OGFOD2: variants seen among roughly 807,000 people sequenced by gnomAD.
The protein encoded by OGFOD2 is 2-oxoglutarate and iron dependent oxygenase domain containing 2, also known as 2-oxoglutarate and iron-dependent oxygenase domain-containing protein 2.
Under a neutral mutation model 31.1 loss-of-function variants are expected in OGFOD2, and 34 were observed. The observed-to-expected ratio is 1.09, with a 90% CI of 0.83 to 1.45. The LOEUF is 1.45. Ranked by LOEUF, OGFOD2 falls within the 40% of genes most tolerant of loss-of-function variation. The pLI is 0.00. For synonymous variants in OGFOD2, 240 were observed against 192.3 expected, an observed-to-expected ratio of 1.25 and a Z score of -2.05; for missense variants, 537 against 433.9, an observed-to-expected ratio of 1.24 and a Z score of -2.11.
chr12:122,979,366 G>A lies in OGFOD2; in HGVS notation c.*20G>A, dbSNP rs772855464. Reference sequence around the variant, plus strand: ...ACCTGAGCTTGCTTGGGCCCAGTGTGGGGGTGGCAGGCAGGTGAGGGCTCC... The same window carrying A: ...ACCTGAGCTTGCTTGGGCCCAGTGTAGGGGTGGCAGGCAGGTGAGGGCTCC... On this transcript the variant is annotated 3_prime_UTR_variant, in exon 7 of 7. Transcript: ENST00000228922. The A allele has an allele frequency of 3.6e-5, 57 of 1,578,588 alleles. No homozygotes were observed. The Admixed American group carries it at 6.1e-4, about 17-fold the overall frequency.
At chr12:122,978,304 T>C (rs2037492872) in intron 4 of OGFOD2, 138 bp from the exon 5 acceptor site, 1 of 1,080,970 alleles carries the variant, frequency 9.3e-7, no homozygotes, top group Admixed American at 2.6e-5. Flanking sequence ...CTCATGTTAC[T>C]TCCTTAAGTC....
upstream of OGFOD2, chr12:122,975,173 G>A: frequency 2.0e-6 from 1 of 489,622 alleles, no homozygotes; most frequent in African/African-American, 2.0e-5. Context: ...CCCCTTGGCC[G>A]CTGGTTCCGC....
At chr12:122,978,279 C>A in intron 4 of OGFOD2, 163 bp from the exon 5 acceptor site, 1 of 794,936 alleles carries the variant, frequency 1.3e-6, no homozygotes, top group Non-Finnish European at 2.0e-6. Flanking sequence ...GCATGGGAAT[C>A]GGCCTCCCCT....
intron 4 of OGFOD2, chr12:122,977,365 G>C (rs1415908149): frequency 1.6e-5 from 5 of 311,574 alleles, no homozygotes; most frequent in Non-Finnish European, 3.1e-5. Context: ...GGCAACAGGA[G>C]GGAGCAGTTA....
exon 7 of OGFOD2, chr12:122,979,959 G>A: frequency 2.7e-6 from 1 of 369,980 alleles, no homozygotes; most frequent in Non-Finnish European, 4.8e-6. Flanking sequence ...ACCTTTTGGT[G>A]CCTTCGTTTC....
rs374589979 is a variant in OGFOD2, at chr12:122,979,140, C to G, written c.847C>G (p.Leu283Val). 11 of 1,607,780 alleles carry G rather than the reference C, an allele frequency of 6.8e-6. No homozygotes were observed. Among genetic ancestry groups the G allele is most frequent in the Admixed American group, 5.0e-5 (3 of 59,890 alleles). ...GGAGCACGTGGTGGGCCAGGGTGTC[C>G]TCCACCGTGGCGGCCAGCTGCATGG... The change falls in exon 7 of 7, where the codon CTC becomes GTC. Residue 283 changes from leucine (L) to valine (V), a missense_variant. Leu to Val is a conservative substitution (Grantham distance 32). Transcript: ENST00000228922.
exon 1 of OGFOD2, chr12:122,975,322 C>A (rs1396996236): frequency 4.3e-6 from 3 of 702,264 alleles, no homozygotes; most frequent in Non-Finnish European, 7.8e-6. Flanking sequence ...TTGTACGTGG[C>A]GCGCTATGGG....
intron 4 of OGFOD2, 193 bp downstream of exon 4, chr12:122,977,163 C>CCTGG: frequency 1.6e-6 from 1 of 644,884 alleles, no homozygotes; most frequent in South Asian, 1.6e-5. Context: ...CTGCCATGAG[C>CCTGG]CTGGTATCTT....
chr12:122,974,941 C>T (rs1457957781), upstream of OGFOD2: 1 of 255,430 alleles, frequency 3.9e-6, no homozygotes, highest in African/African-American at 2.2e-5. Context: ...AAGTCAAAGG[C>T]CTTGGGGCTC....
chr12:122,979,594 T>C, exon 7 of OGFOD2: 1 of 543,998 alleles, frequency 1.8e-6, no homozygotes, highest in South Asian at 2.5e-5. Context: ...AGGAAGTGGC[T>C]TCAGAGGACG....
upstream of OGFOD2, chr12:122,974,948 G>A (rs2037364453): frequency 3.8e-6 from 1 of 265,188 alleles, no homozygotes; most frequent in South Asian, 1.1e-4. Context: ...AGGCCTTGGG[G>A]CTCCGAGTCC....
At chr12:122,977,457 G>T in intron 4 of OGFOD2, 1 of 209,904 alleles carries the variant, frequency 4.8e-6, no homozygotes. Flanking sequence ...ACTTCTCTTC[G>T]GATTTCTTGC....
exon 7 of OGFOD2, chr12:122,979,989 C>T (rs1358925763): frequency 2.5e-6 from 1 of 400,164 alleles, no homozygotes; most frequent in Non-Finnish European, 4.3e-6. Flanking sequence ...CACCTACCTC[C>T]TAGAGCTGTT....
At chr12:122,975,616 C>T (rs1373423859) in intron 1 of OGFOD2, 195 bp from the exon 2 acceptor site, 4 of 603,350 alleles carry the variant, frequency 6.6e-6, no homozygotes, top group East Asian at 5.5e-5. Context: ...CAGGGCCGGG[C>T]TCAGCTTGCC....
chr12:122,976,535 G>A (rs758147583), intron 2 of OGFOD2, 119 bp from the exon 3 acceptor site: 2 of 1,290,848 alleles, frequency 1.5e-6, no homozygotes, highest in Non-Finnish European at 1.1e-6. Flanking sequence ...AGGAGTGTAG[G>A]CTAGACTTGG....
chr12:122,976,187 C>T (rs2037422250), intron 2 of OGFOD2: 2 of 599,580 alleles, frequency 3.3e-6, no homozygotes, highest in Non-Finnish European at 6.0e-6. Flanking sequence ...ACAGCAGGAG[C>T]AGATGTGATC....
intron 3 of OGFOD2, 21 bp downstream of exon 3, chr12:122,976,788 T>A (rs756074089): frequency 5.0e-6 from 8 of 1,608,302 alleles, no homozygotes; most frequent in Admixed American, 1.7e-5. Flanking sequence ...GCCAGAGTGC[T>A]TGAAGGCCGG....
chr12:122,978,716 TC>T, intron 5 of OGFOD2, 36 bp from the exon 6 acceptor site: 1 of 1,595,954 alleles, frequency 6.3e-7, no homozygotes, highest in Non-Finnish European at 8.6e-7. Flanking sequence ...GTTGCAGCCC[TC>T]TAGTTTCCTT....
At chr12:122,978,774 C>T (rs1470558567) in exon 6 of OGFOD2, 1 of 1,609,560 alleles carries the variant, frequency 6.2e-7, no homozygotes, top group Admixed American at 1.7e-5. Context: ...CGAGCTCGGG[C>T]TGGACGAGCC....
Sources: gnomAD v4.1 joint callset for allele counts on GRCh38, gnomAD v4.1.1 for gene constraint, MANE v1.5 for transcripts, NCBI Gene and HGNC (gene_info 2026-07-23, HGNC 2026-07-21) for gene names.